MCUB: variants seen among roughly 807,000 people sequenced by gnomAD.
MCUB encodes mitochondrial calcium uniporter dominant negative subunit beta.
In MCUB, 46 loss-of-function variants were observed where a neutral mutation model predicts 41.4. The ratio of observed to expected loss-of-function variants is 1.11; its 90% CI spans 0.88 to 1.42. MCUB has a LOEUF of 1.42. Among genes scored for constraint, MCUB ranks in the 40% most tolerant of loss-of-function variants. The pLI is 0.00. For missense variants in MCUB, 403 were observed against 404.9 expected (o/e 1.00, Z 0.04); for synonymous variants, 148 against 148.2 (o/e 1.00, Z 0.01).
chr4:109,659,945 ACC>A (rs1180287482), intron 2 of MCUB, among the ~76,000 whole-genome samples: 1 of 152,226 alleles, frequency 6.6e-6, no homozygotes, highest in Non-Finnish European at 1.5e-5. Context: ...GGCATGAGCC[ACC>A]ATGCCGGCCA....
intron 1 of MCUB, among the ~76,000 whole-genome samples, chr4:109,577,598 C>CTTT (rs71594195): frequency 1.6e-4 from 8 of 48,666 alleles, no homozygotes; most frequent in African/African-American, 3.1e-4. Flanking sequence ...TACTTGAATT[C>CTTT]TTTTTTTTTT....
At chr4:109,655,209 G>T (rs534561913) in intron 1 of MCUB, among the ~76,000 whole-genome samples, 1 of 152,224 alleles carries the variant, frequency 6.6e-6, no homozygotes, top group African/African-American at 2.4e-5. Context: ...TACAGTTTGT[G>T]TGAACATAGT....
chr4:109,671,054 T>A (rs1729445123), intron 4 of MCUB, among the ~76,000 whole-genome samples: 1 of 152,204 alleles, frequency 6.6e-6, no homozygotes, highest in South Asian at 2.1e-4. Flanking sequence ...ATCTATCTTT[T>A]CAATTTTGGC....
At position 109,570,796 on chromosome 4, in the gene MCUB, T is replaced by G. The variant is rs183165378; in HGVS notation, c.99+10360T>G. Among the ~76,000 whole-genome samples, 9 of 152,330 alleles carry G rather than the reference T, an allele frequency of 5.9e-5. No homozygotes were observed. The East Asian group carries it at 1.7e-3, about 29-fold the overall frequency. Reference sequence around the variant, plus strand: ...GGACCAATTACGAAGTCATGGTTATTGTACATGGAGCTGGAATAACAGGAA... The same window carrying G: ...GGACCAATTACGAAGTCATGGTTATGGTACATGGAGCTGGAATAACAGGAA... On this transcript the variant is annotated intron_variant, in intron 1 of 7. Coordinates refer to ENST00000394650, the MANE Select transcript of MCUB (RefSeq NM_017918.5).
Position 109,655,614 on chromosome 4 carries a change from G to C in MCUB, c.100-3397G>C, listed in dbSNP as rs1476177767. ...ACAAAAAATGCTTCATGGTTAAAGA[G>C]AAGCCCAAATCATCTTTTGCCCTGA... is the stretch of plus-strand genomic sequence containing the variant. On this transcript the variant is annotated intron_variant, in intron 1 of 7. Transcript: ENST00000394650. Among the ~76,000 whole-genome samples the C allele has an allele frequency of 3.9e-5, 6 of 152,174 alleles. 1 individual carries two copies. In the East Asian group the frequency reaches 1.2e-3, roughly 29 times the overall value.
intron 5 of MCUB, among the ~76,000 whole-genome samples, chr4:109,684,039 T>C (rs181705165): frequency 3.3e-5 from 5 of 152,080 alleles, no homozygotes; most frequent in Admixed American, 3.3e-4. Context: ...AATGCAGATG[T>C]GCATTTGTTC....
intron 1 of MCUB, among the ~76,000 whole-genome samples, chr4:109,611,103 G>A (rs756880927): frequency 3.3e-5 from 5 of 151,856 alleles, no homozygotes; most frequent in African/African-American, 4.9e-5. Context: ...GATAGGATAA[G>A]AAGAATCTTG....
intron 4 of MCUB, among the ~76,000 whole-genome samples, chr4:109,677,131 T>G (rs1259904589): frequency 6.6e-6 from 1 of 152,252 alleles, no homozygotes; most frequent in Non-Finnish European, 1.5e-5. Flanking sequence ...CAAAGATTGT[T>G]CTGAAGTTTT....
At chr4:109,650,660 A>C (rs1458958788) in intron 1 of MCUB, among the ~76,000 whole-genome samples, 1 of 152,204 alleles carries the variant, frequency 6.6e-6, no homozygotes, top group African/African-American at 2.4e-5. Context: ...ACTTAATGAC[A>C]AACAACCATC....
At chr4:109,619,022 A>G (rs62326056) in intron 1 of MCUB, among the ~76,000 whole-genome samples, 16 of 134,354 alleles carry the variant, frequency 1.2e-4, no homozygotes, top group South Asian at 2.8e-4. Context: ...CTACCTATCT[A>G]CCTGCCTGCC....
chr4:109,682,711 A>G lies in MCUB; in HGVS notation c.581A>G (p.His194Arg), dbSNP rs796707028. The G allele has an allele frequency of 3.1e-6, 5 of 1,613,842 alleles. 1 individual carries two copies. The African/African-American group carries it at 6.7e-5, about 22-fold the overall frequency. The change falls in exon 5 of 8, where the codon CAC becomes CGC. Residue 194 changes from histidine (H) to arginine (R), a missense_variant. His to Arg is a conservative substitution (Grantham distance 29). Coordinates refer to ENST00000394650, the MANE Select transcript of MCUB (RefSeq NM_017918.5). The stretch of plus-strand genomic sequence containing the variant: ...CACCATTTACTGGAGAAAATTGACC[A>G]CCTGAAGGAACAGCTGCAGCCCCTT... ...REHHLLEKID[H>R]LKEQLQPLEQ...
intron 1 of MCUB, among the ~76,000 whole-genome samples, chr4:109,576,098 G>A (rs549886514): frequency 6.6e-6 from 1 of 152,336 alleles, no homozygotes; most frequent in East Asian, 1.9e-4. Context: ...CCAAGAAGCA[G>A]TAACAATTCA....
chr4:109,608,985 G>A (rs976424132), intron 1 of MCUB, among the ~76,000 whole-genome samples: 20 of 152,176 alleles, frequency 1.3e-4, no homozygotes, highest in Non-Finnish European at 2.9e-4. Context: ...CCTTGCTGGT[G>A]TTGGATAAAC....
In MCUB at chr4:109,560,433, C is replaced by A; in HGVS notation, c.96C>A (p.Pro32=). Reference sequence around the variant, plus strand: ...GCCCGTGGCCGCTGCCGCCTCCGCCCCAGGTAAGAGCGGGTGCCGGGCTGT... The same window carrying A: ...GCCCGTGGCCGCTGCCGCCTCCGCCACAGGTAAGAGCGGGTGCCGGGCTGT... ...PARPWPLPPP[P]QVLRVKLCGN... Residue 32 remains proline, a synonymous_variant, in exon 1 of 8, where the codon CCC becomes CCA. Transcript: ENST00000394650. 7.8e-7 allele frequency: 1 copy of A among 1,283,778 alleles called. No individual in the cohort carries two copies. The highest frequency in any genetic ancestry group is 2.5e-5 in the South Asian group (1 of 39,854). 79.5% of individuals were successfully genotyped at this position (1,283,778 alleles called of 1,614,324 possible).
chr4:109,667,289 A>T (rs976675704), intron 4 of MCUB, among the ~76,000 whole-genome samples: 1 of 151,928 alleles, frequency 6.6e-6, no homozygotes, highest in Non-Finnish European at 1.5e-5. Flanking sequence ...TAGATTGTGT[A>T]TTTCTTTTTG....
At chr4:109,595,570 A>T (rs1411005245) in intron 1 of MCUB, among the ~76,000 whole-genome samples, 3 of 152,270 alleles carry the variant, frequency 2.0e-5, no homozygotes, top group Admixed American at 6.5e-5. Context: ...TAAATTAAAT[A>T]AAATAAAAAA....
chr4:109,661,441 A>C (rs972138830), intron 3 of MCUB, among the ~76,000 whole-genome samples: 2 of 152,196 alleles, frequency 1.3e-5, no homozygotes, highest in Admixed American at 6.5e-5. Flanking sequence ...GAGAAGTTGG[A>C]AAATGGAGAT....
chr4:109,635,425 T>A (rs1033542370), intron 1 of MCUB, among the ~76,000 whole-genome samples: 7 of 152,192 alleles, frequency 4.6e-5, no homozygotes, highest in East Asian at 1.9e-4. Context: ...TTGCCCCACG[T>A]TCCTGGCAAC....
chr4:109,597,968 C>T (rs1311363389), intron 1 of MCUB, among the ~76,000 whole-genome samples: 1 of 146,066 alleles, frequency 6.8e-6, no homozygotes, highest in African/African-American at 2.6e-5. Flanking sequence ...GGCGGCGGGG[C>T]AGAGGCGCTC....
Sources: gnomAD v4.1 joint callset for allele counts (sites outside exome capture counted in the v4.1 genomes callset) on GRCh38, gnomAD v4.1.1 for gene constraint, MANE v1.5 for transcripts, NCBI Gene and HGNC (gene_info 2026-07-23, HGNC 2026-07-21) for gene names.